SATB2: variants seen among roughly 807,000 people sequenced by gnomAD.
The protein encoded by SATB2 is DNA-binding protein SATB2.
SATB2 carries 1 observed loss-of-function variant against 73.4 expected under a neutral mutation model. The ratio of observed to expected loss-of-function variants is 0.01; its 90% CI spans 0.00 to 0.06. The LOEUF is 0.06. SATB2 is among the 10% of genes least tolerant of loss of function. The probability of loss-of-function intolerance (pLI) is 1.00; values close to 1 mark genes in which losing one functional copy is unlikely to be tolerated. For missense variants in SATB2, 459 were observed against 945.8 expected (o/e 0.49, Z 6.75); for synonymous variants, 397 against 367.0 (o/e 1.08, Z -0.93).
chr2:199,300,838 A>G (rs577494701), intron 10 of SATB2, among the ~76,000 whole-genome samples: 2 of 152,254 alleles, frequency 1.3e-5, no homozygotes, highest in South Asian at 4.1e-4. Flanking sequence ...GAAGGCAGGA[A>G]AAGACTGAGC....
At chr2:199,325,335 G>T (rs1242042895) in intron 8 of SATB2, 4 of 151,976 alleles carry the variant, frequency 2.6e-5, no homozygotes, top group African/African-American at 9.7e-5. Context: ...AAATAAAAGA[G>T]GATCTTAACC....
chr2:199,273,945 A>C (rs1295736545), intron 10 of SATB2, among the ~76,000 whole-genome samples: 3 of 152,276 alleles, frequency 2.0e-5, no homozygotes, highest in South Asian at 2.1e-4. Context: ...GCCATCGCCC[A>C]CACCTTACAG....
In SATB2 at chr2:199,464,087, C is replaced by G. The variant is rs1692541120; in HGVS notation, c.-141+749G>C. Among the ~76,000 whole-genome samples, 1 of 152,136 alleles carries G rather than the reference C, an allele frequency of 6.6e-6. No homozygotes were observed. Among genetic ancestry groups the G allele is most frequent in the Non-Finnish European group, 1.5e-5 (1 of 68,022 alleles). On this transcript the variant is annotated intron_variant, in intron 1 of 11. Transcript: ENST00000260926. This position sits in a 1 kb window ranked among gnomAD's most constrained non-coding sequence, Gnocchi z 6.6. ...GGCCCAAACTCGTAAGGAGTGGGGG[C>G]CAACTTAGAGGGCTTCCCGAGCTGG...
chr2:199,324,073 A>C (rs1025722827), intron 8 of SATB2, 115 bp from the exon 9 acceptor site: 4 of 1,031,938 alleles, frequency 3.9e-6, no homozygotes, highest in African/African-American at 1.6e-5. Context: ...TTAGCTACAG[A>C]GGGACACTTC....
At chr2:199,285,287 G>C (rs75589604) in intron 10 of SATB2, among the ~76,000 whole-genome samples, 13,659 of 152,046 alleles carry the variant, frequency 0.09, 914 homozygotes, top group Non-Finnish European at 0.13. Flanking sequence ...TAGAGAAAGA[G>C]TGTAGGAGAA....
At chr2:199,345,669 A>G (rs1460697343) in intron 7 of SATB2, among the ~76,000 whole-genome samples, 1 of 152,012 alleles carries the variant, frequency 6.6e-6, no homozygotes, top group Non-Finnish European at 1.5e-5. Flanking sequence ...TTTATTTCCA[A>G]AATATTTCTT....
chr2:199,337,422 A>G (rs1688367202), intron 7 of SATB2, among the ~76,000 whole-genome samples: 1 of 152,212 alleles, frequency 6.6e-6, no homozygotes, highest in African/African-American at 2.4e-5. Context: ...TTAACATATC[A>G]TAACTAACTT....
At chr2:199,459,069 G>A (rs986044277), upstream of SATB2, among the ~76,000 whole-genome samples, 1 of 152,080 alleles carries the variant, frequency 6.6e-6, no homozygotes, top group Admixed American at 6.5e-5. The surrounding 1 kb of genome is among the most constrained non-coding windows in gnomAD (Gnocchi z 4.2). Context: ...CCGCTCCGGC[G>A]ACATCGCGAG....
At chr2:199,296,725 CA>C (rs1333358538) in intron 10 of SATB2, among the ~76,000 whole-genome samples, 1 of 152,032 alleles carries the variant, frequency 6.6e-6, no homozygotes, top group African/African-American at 2.4e-5. Context: ...CAAAAGAAAA[CA>C]AAACAGTAGA....
chr2:199,381,945 C>T, intron 3 of SATB2, 125 bp from the exon 4 acceptor site: 1 of 1,062,352 alleles, frequency 9.4e-7, no homozygotes, highest in Non-Finnish European at 1.4e-6. Context: ...TATTTTACAA[C>T]CCAGTGCAAT....
rs1341045702 is a variant in SATB2 at position 199,349,004 on chromosome 2, C to T, written c.870G>A (p.Gln290=). 6.2e-7 allele frequency: 1 copy of T among 1,614,112 alleles called. No individual in the cohort carries two copies. Among genetic ancestry groups the T allele is most frequent in the South Asian group, 1.1e-5 (1 of 91,080 alleles). The change falls in exon 7 of 11, where the codon CAG becomes CAA. Residue 290 remains glutamine (Q), a synonymous_variant. Transcript: ENST00000417098. Reference sequence around the variant, plus strand: ...AAAGAAGACCAGGGCTCATGATGGGCTGTAATGCGGGCACTTGGTTTCGGA... The same window carrying T: ...AAAGAAGACCAGGGCTCATGATGGGTTGTAATGCGGGCACTTGGTTTCGGA... ...TPIRNQVPAL[Q]PIMSPGLLSP...
chr2:199,417,989 T>C (rs570788366), intron 3 of SATB2, among the ~76,000 whole-genome samples: 4 of 152,324 alleles, frequency 2.6e-5, no homozygotes, highest in South Asian at 2.1e-4. Flanking sequence ...CTCATATGAA[T>C]TGAAGCTACA....
intron 10 of SATB2, among the ~76,000 whole-genome samples, chr2:199,279,252 TCTG>T (rs1455175246): frequency 1.3e-5 from 2 of 152,216 alleles, no homozygotes; most frequent in Admixed American, 6.5e-5. Flanking sequence ...ATGTTGTTTC[TCTG>T]CTTTCAAAAT....
intron 3 of SATB2, among the ~76,000 whole-genome samples, chr2:199,392,606 T>G (rs950940188): frequency 5.9e-5 from 9 of 152,202 alleles, no homozygotes; most frequent in Middle Eastern, 6.8e-3. Context: ...CACTTTTGTT[T>G]GAAGAGCAGC....
At chr2:199,446,637 G>T (rs1372488713) in intron 2 of SATB2, among the ~76,000 whole-genome samples, 1 of 152,144 alleles carries the variant, frequency 6.6e-6, no homozygotes, top group Non-Finnish European at 1.5e-5. Flanking sequence ...TAAAGCTCAT[G>T]GCCTTCATCA....
chr2:199,364,145 G>A (rs1238425083), intron 6 of SATB2, among the ~76,000 whole-genome samples: 3 of 152,162 alleles, frequency 2.0e-5, no homozygotes, highest in Non-Finnish European at 4.4e-5. Flanking sequence ...CTTTGTAAAT[G>A]ACACAATCAT....
chr2:199,344,581 G>A (rs1002734070), intron 7 of SATB2, among the ~76,000 whole-genome samples: 1 of 152,084 alleles, frequency 6.6e-6, no homozygotes, highest in Admixed American at 6.5e-5. Flanking sequence ...ACCTCTCTTG[G>A]CCTCCTGCCA....
chr2:199,277,845 T>C (rs1445108606), intron 10 of SATB2, among the ~76,000 whole-genome samples: 1 of 152,206 alleles, frequency 6.6e-6, no homozygotes, highest in Non-Finnish European at 1.5e-5. Context: ...CACTTTATGA[T>C]GGGAAAACTG....
At chr2:199,352,377 C>T (rs1688843935) in intron 6 of SATB2, among the ~76,000 whole-genome samples, 1 of 152,114 alleles carries the variant, frequency 6.6e-6, no homozygotes, top group African/African-American at 2.4e-5. Flanking sequence ...ATCATGTACA[C>T]AATTAAGCAT....
Sources: gnomAD v4.1 joint callset for allele counts (sites outside exome capture counted in the v4.1 genomes callset) on GRCh38, gnomAD v4.1.1 for gene constraint, Gnocchi (gnomAD v3.1) non-coding constraint, MANE v1.5 for transcripts, NCBI Gene and HGNC (gene_info 2026-07-23, HGNC 2026-07-21) for gene names.